TSEN15: variants seen among roughly 807,000 people sequenced by gnomAD.
TSEN15 encodes tRNA-splicing endonuclease subunit Sen15.
Under a neutral mutation model 20.5 loss-of-function variants are expected in TSEN15, and 10 were observed. That is an observed-to-expected ratio of 0.49 (90% CI 0.30 to 0.83). The LOEUF (loss-of-function observed/expected upper bound fraction) is 0.83. Among genes scored for constraint, TSEN15 ranks in the 40% least tolerant of loss-of-function variants. The pLI is 0.06. For synonymous variants in TSEN15, 72 were observed against 80.1 expected (o/e 0.90, Z 0.54); for missense variants, 180 against 218.6 (o/e 0.82, Z 1.11).
At chr1:184,055,393 T>C (rs960205657) in intron 3 of TSEN15, among the ~76,000 whole-genome samples, 1 of 152,162 alleles carries the variant, frequency 6.6e-6, no homozygotes, top group Non-Finnish European at 1.5e-5. Context: ...CAGTTCAACA[T>C]GGGATTTGGG....
downstream of TSEN15, among the ~76,000 whole-genome samples, chr1:184,077,686 A>T (rs1255704796): frequency 1.3e-5 from 2 of 152,298 alleles, no homozygotes; most frequent in East Asian, 1.9e-4. Flanking sequence ...TGTTTGAAGG[A>T]TGTTGATTCC....
At chr1:184,076,211 T>C (rs1429051124), downstream of TSEN15, among the ~76,000 whole-genome samples, 1 of 152,154 alleles carries the variant, frequency 6.6e-6, no homozygotes, top group Non-Finnish European at 1.5e-5. Context: ...TTTTCCAACA[T>C]GATCATTTCA....
chr1:184,084,296 A>T lies in TSEN15; in HGVS notation c.354-11394A>T, dbSNP rs575663471. ...AATACATGATAACTAGCTGAGAGCCAGTCCTCCAAGGAGTAGGACCTAGAT... is the reference window on the plus strand; with the variant it reads ...AATACATGATAACTAGCTGAGAGCCTGTCCTCCAAGGAGTAGGACCTAGAT... On this transcript the variant is annotated intron_variant, in intron 3 of 3. Coordinates refer to the TSEN15 transcript ENST00000643231. Among the ~76,000 whole-genome samples the T allele has an allele frequency of 2.0e-5, 3 of 152,164 alleles. No homozygotes were observed. In the South Asian group the frequency reaches 6.2e-4, roughly 32 times the overall value.
At position 184,072,163 on chromosome 1, in the gene TSEN15, G is replaced by A; in HGVS notation, c.360G>A (p.Arg120=). Residue 120 remains arginine (R), a synonymous_variant, in exon 4 of 5, where the codon AGG becomes AGA. Coordinates refer to ENST00000645668, the MANE Select transcript of TSEN15 (RefSeq NM_052965.4). ...ITASLSHNRI[R]EILKASRKLQ... ...ATTGTGACTTTATTTTCAGGATAAG[G>A]GAGATCTTGAAGGCATCTCGAAAGT... 3 of 1,613,254 alleles carry A rather than the reference G, an allele frequency of 1.9e-6. No homozygotes were observed. The highest frequency in any genetic ancestry group is 2.5e-6 in the Non-Finnish European group (3 of 1,179,538).
chr1:184,051,873 A>G lies in TSEN15; in HGVS notation c.118A>G (p.Met40Val). The G allele has an allele frequency of 6.4e-7, 1 of 1,553,702 alleles. No homozygotes were observed. The highest frequency in any genetic ancestry group is 1.4e-5 in the African/African-American group (1 of 72,484). ...TTCGTGGGCCCCTGAGGACGCCTGG[A>G]TGGGCACTCACCCTAAGGTCAGGAG... ...APSWAPEDAW[M>V]GTHPKYLEMM... Residue 40 changes from methionine (M) to valine (V), a missense_variant, in exon 1 of 5, where the codon ATG (methionine) becomes GTG (valine). Met to Val is a conservative substitution (Grantham distance 21). This residue lies in a region of TSEN15 where 76 missense variants were observed against 66.5 expected (regional missense o/e 1.14). Coordinates refer to ENST00000645668, the MANE Select transcript of TSEN15 (RefSeq NM_052965.4).
In TSEN15 at chr1:184,067,944, ATATAT is replaced by A. The variant is rs1650741532; in HGVS notation, c.354-4212_354-4208del. 5.3e-4 allele frequency among the ~76,000 whole-genome samples: 37 copies of A among 70,094 alleles called. No homozygotes were observed. In the South Asian group the frequency reaches 0.016, roughly 30 times the overall value. The allele number at this position is 70,094 out of a possible 152,430, so 46.0% of individuals were successfully genotyped here. On this transcript the variant is annotated intron_variant, in intron 3 of 4. Coordinates refer to ENST00000645668, the MANE Select transcript of TSEN15 (RefSeq NM_052965.4). ...TCTCTCAAAAAAAAAAAAAAAAAAT[ATATAT>A]ATATATATATATATATATATATGTA...
At position 184,064,546 on chromosome 1, in the gene TSEN15, A is replaced by AAAACAAACAAAC. The variant is rs375194362; in HGVS notation, c.354-7601_354-7590dup. ...GAGACAGACATAGAAAAAATATGAA[A>AAAACAAACAAAC]AAACAAACAAACAAACAAACAGCTC... On this transcript the variant is annotated intron_variant, in intron 3 of 4. Coordinates refer to ENST00000645668, the MANE Select transcript of TSEN15 (RefSeq NM_052965.4). 3.0e-3 allele frequency among the ~76,000 whole-genome samples: 463 copies of AAAACAAACAAAC among 152,210 alleles called. 2 individuals are homozygous for AAAACAAACAAAC. Among genetic ancestry groups the AAAACAAACAAAC allele is most frequent in the African/African-American group, 7.2e-3 (299 of 41,538 alleles).
intron 1 of TSEN15, among the ~76,000 whole-genome samples, chr1:184,053,123 G>A (rs562386503): frequency 2.6e-5 from 4 of 152,260 alleles, no homozygotes; most frequent in African/African-American, 9.6e-5. Flanking sequence ...TTATATACTT[G>A]TAGATTGTTT....
chr1:184,085,925 G>A (rs1651254465), intron 3 of TSEN15, among the ~76,000 whole-genome samples: 1 of 152,146 alleles, frequency 6.6e-6, no homozygotes, highest in Non-Finnish European at 1.5e-5. Flanking sequence ...ACTAGTCAAG[G>A]AACTGAGAGG....
chr1:184,079,071 A>G (rs1304418034), downstream of TSEN15, among the ~76,000 whole-genome samples: 1 of 152,160 alleles, frequency 6.6e-6, no homozygotes, highest in African/African-American at 2.4e-5. Context: ...TGAGCAATTA[A>G]TAGTACAATT....
At chr1:184,070,746 T>C (rs1650851554) in intron 3 of TSEN15, 4 of 939,916 alleles carry the variant, frequency 4.3e-6, no homozygotes, top group Non-Finnish European at 5.6e-6. Flanking sequence ...ATGAAGTTTC[T>C]GATTAATATC....
At chr1:184,068,514 T>C (rs1256724137) in intron 3 of TSEN15, among the ~76,000 whole-genome samples, 1 of 152,192 alleles carries the variant, frequency 6.6e-6, no homozygotes, top group Admixed American at 6.5e-5. Context: ...AGCATTTTTT[T>C]TTCTCTTACC....
downstream of TSEN15, among the ~76,000 whole-genome samples, chr1:184,074,721 AATG>A (rs1422707199): frequency 6.6e-6 from 1 of 152,186 alleles, no homozygotes; most frequent in African/African-American, 2.4e-5. Context: ...AGAATGGAAA[AATG>A]ATGAAAATTA....
downstream of TSEN15, among the ~76,000 whole-genome samples, chr1:184,076,210 A>G (rs148357322): frequency 3.1e-3 from 469 of 152,216 alleles, 2 homozygotes; most frequent in African/African-American, 7.3e-3. Flanking sequence ...TTTTTCCAAC[A>G]TGATCATTTC....
intron 3 of TSEN15, chr1:184,095,373 G>A (rs965771566): frequency 2.4e-5 from 9 of 382,420 alleles, no homozygotes; most frequent in Admixed American, 9.0e-5. Context: ...TTGATAAAAT[G>A]TAGAGAATGC....
At chr1:184,059,697 A>C (rs1258179727) in intron 3 of TSEN15, among the ~76,000 whole-genome samples, 1 of 152,100 alleles carries the variant, frequency 6.6e-6, no homozygotes, top group Non-Finnish European at 1.5e-5. Flanking sequence ...CAGCGTTCTA[A>C]GTAGCTGGGA....
At position 184,072,823 on chromosome 1, in the gene TSEN15, C is replaced by G. The variant is rs1285779145; in HGVS notation, c.496-4C>G. On this transcript the variant is annotated splice_polypyrimidine_tract_variant and splice_region_variant and intron_variant, in intron 4 of 4. Coordinates refer to ENST00000645668, the MANE Select transcript of TSEN15 (RefSeq NM_052965.4). ...AAGTCCATCCTGATCTTTTTTTTTT[C>G]CAGAATATTTCTCTTAGAAGATGAC... 6.3e-7 allele frequency: 1 copy of G among 1,582,954 alleles called. No homozygotes were observed. The highest frequency in any genetic ancestry group is 8.6e-7 in the Non-Finnish European group (1 of 1,168,202).
At position 184,092,527 on chromosome 1, in the gene TSEN15, C is replaced by G. The variant is rs116167449; in HGVS notation, c.354-3163C>G. On this transcript the variant is annotated intron_variant, in intron 3 of 3. Coordinates refer to the TSEN15 transcript ENST00000643231. ...ATTCTAGGGTAGCCCAGAATAGGGG[C>G]TCTCAAAAGGACTGGGGAGCTTGGA... 2.1e-3 allele frequency among the ~76,000 whole-genome samples: 320 copies of G among 152,276 alleles called. 2 individuals carry two copies. The highest frequency in any genetic ancestry group is 6.8e-3 in the Middle Eastern group (2 of 294).
At chr1:184,083,198 C>G (rs763126173) in intron 3 of TSEN15, among the ~76,000 whole-genome samples, 11 of 152,104 alleles carry the variant, frequency 7.2e-5, no homozygotes, top group Non-Finnish European at 1.3e-4. Flanking sequence ...ATTCCAGTGG[C>G]AGGGCAAGGA....
Sources: allele counts gnomAD v4.1 joint callset (sites outside exome capture counted in the v4.1 genomes callset), GRCh38; gene constraint gnomAD v4.1.1; regional missense constraint gnomAD v4.1.1; transcripts MANE v1.5; gene names NCBI Gene and HGNC (gene_info 2026-07-23, HGNC 2026-07-21).